CSMD1: variants seen among roughly 807,000 people sequenced by gnomAD.
CSMD1 encodes the protein CUB and Sushi multiple domains 1.
Under a neutral mutation model 417.5 loss-of-function variants are expected in CSMD1, and 213 were observed. The observed-to-expected ratio is 0.51, with a 90% CI of 0.46 to 0.57. The LOEUF (loss-of-function observed/expected upper bound fraction) is 0.57. CSMD1 is among the 20% of genes least tolerant of loss of function. CSMD1 has a pLI of 0.00. For missense variants in CSMD1, 6,923 were observed against 4,529.7 expected, an observed-to-expected ratio of 1.53 and a Z score of -15.17; for synonymous variants, 2,862 against 1,736.8, an observed-to-expected ratio of 1.65 and a Z score of -16.11.
intron 36 of CSMD1, among the ~76,000 whole-genome samples, chr8:3,184,058 C>T (rs542728889): frequency 3.3e-5 from 5 of 152,160 alleles, no homozygotes; most frequent in Non-Finnish European, 5.9e-5. Context: ...AAATTTCACA[C>T]TCCTTGATTT....
At chr8:4,841,553 A>T (rs983469047) in intron 1 of CSMD1, among the ~76,000 whole-genome samples, 1 of 152,220 alleles carries the variant, frequency 6.6e-6, no homozygotes, top group South Asian at 2.1e-4. Context: ...ACAAAGGTCA[A>T]ATACAAACCA....
chr8:4,114,954 A>G (rs1357007342), intron 3 of CSMD1, among the ~76,000 whole-genome samples: 1 of 152,242 alleles, frequency 6.6e-6, no homozygotes, highest in Non-Finnish European at 1.5e-5. Flanking sequence ...TAAAGATGCC[A>G]TAAACATTGT....
intron 5 of CSMD1, among the ~76,000 whole-genome samples, chr8:3,909,559 G>T (rs998892807): frequency 3.9e-5 from 6 of 152,116 alleles, no homozygotes; most frequent in African/African-American, 1.4e-4. Context: ...ACCCTAGGGA[G>T]GTGGGTGCCT....
intron 41 of CSMD1, among the ~76,000 whole-genome samples, chr8:3,126,459 A>G (rs1053486684): frequency 6.6e-6 from 1 of 152,140 alleles, no homozygotes; most frequent in Admixed American, 6.5e-5. Flanking sequence ...AGTTTACATC[A>G]AGGTGTACAC....
At position 4,696,650 on chromosome 8, in the gene CSMD1, G is replaced by C. The variant is rs376522909; in HGVS notation, c.86-59092C>G. 1.2e-4 allele frequency among the ~76,000 whole-genome samples: 18 copies of C among 152,202 alleles called. No individual in the cohort carries two copies. The East Asian group carries it at 3.5e-3, about 29-fold the overall frequency. On this transcript the variant is annotated intron_variant, in intron 1 of 69. Coordinates refer to ENST00000635120, the MANE Select transcript of CSMD1 (RefSeq NM_033225.6). The stretch of plus-strand genomic sequence containing the variant: ...ATTTCATACTTTTTTCATTTATCTG[G>C]TTTCTCTTTTATTGTTGTCTTTATC...
intron 20 of CSMD1, among the ~76,000 whole-genome samples, chr8:3,360,267 T>C (rs1284537247): frequency 6.6e-6 from 1 of 152,222 alleles, no homozygotes; most frequent in African/African-American, 2.4e-5. Context: ...AAATGTCTGA[T>C]ATTTTGCTGC....
chr8:3,070,309 C>A (rs868185156), intron 49 of CSMD1, among the ~76,000 whole-genome samples: 1 of 152,206 alleles, frequency 6.6e-6, no homozygotes, highest in East Asian at 1.9e-4. Context: ...TCTGAAAAAG[C>A]TTTTTTCTTC....
chr8:4,255,163 T>C (rs1279880944), intron 3 of CSMD1, among the ~76,000 whole-genome samples: 6 of 152,200 alleles, frequency 3.9e-5, no homozygotes, highest in African/African-American at 1.4e-4. Context: ...ACATAGAGCT[T>C]TATCCCATGC....
At chr8:4,412,406 C>A (rs1305829772) in intron 3 of CSMD1, among the ~76,000 whole-genome samples, 3 of 152,194 alleles carry the variant, frequency 2.0e-5, no homozygotes, top group African/African-American at 7.2e-5. Context: ...TGCGCTGGCT[C>A]CTCCTTTGCC....
chr8:3,712,896 G>C (rs543364773), intron 6 of CSMD1, among the ~76,000 whole-genome samples: 9 of 152,252 alleles, frequency 5.9e-5, no homozygotes, highest in African/African-American at 2.2e-4. Context: ...ATTTCAGTTT[G>C]ACAGAAGGAA....
At chr8:3,843,079 T>C (rs1024208386) in intron 5 of CSMD1, among the ~76,000 whole-genome samples, 7 of 152,178 alleles carry the variant, frequency 4.6e-5, no homozygotes, top group African/African-American at 1.7e-4. Flanking sequence ...TCTATTTCAG[T>C]ATCGTTTTCT....
At position 4,099,409 on chromosome 8, in the gene CSMD1, C is replaced by G. The variant is rs927820257; in HGVS notation, c.416-67310G>C. ...CCTATCGCTTACCTGAAGCTGCTTT[C>G]TAAAGCCTTGCAATGCCACCACTCA... On this transcript the variant is annotated intron_variant, in intron 3 of 69. Coordinates refer to ENST00000635120, the MANE Select transcript of CSMD1 (RefSeq NM_033225.6). 5.6e-4 allele frequency among the ~76,000 whole-genome samples: 85 copies of G among 152,228 alleles called. No individual in the cohort carries two copies. The Middle Eastern group carries it at 0.01, about 18-fold the overall frequency.
At chr8:3,874,102 T>C (rs1032805416) in intron 5 of CSMD1, among the ~76,000 whole-genome samples, 1 of 152,202 alleles carries the variant, frequency 6.6e-6, no homozygotes, top group Non-Finnish European at 1.5e-5. Flanking sequence ...GGCTGGGTTC[T>C]TTCACTGCCC....
At chr8:3,720,353 C>T (rs1279051321) in intron 6 of CSMD1, among the ~76,000 whole-genome samples, 1 of 152,174 alleles carries the variant, frequency 6.6e-6, no homozygotes, top group African/African-American at 2.4e-5. Context: ...TTGGCAACTC[C>T]TGATACTGCT....
chr8:3,599,757 C>T (rs752678870), intron 8 of CSMD1, among the ~76,000 whole-genome samples: 3 of 152,294 alleles, frequency 2.0e-5, no homozygotes, highest in Non-Finnish European at 2.9e-5. Context: ...CTTCTTTCAC[C>T]AGGTGGTCCT....
At chr8:4,714,391 G>A (rs1373205464) in intron 1 of CSMD1, among the ~76,000 whole-genome samples, 1 of 152,132 alleles carries the variant, frequency 6.6e-6, no homozygotes, top group African/African-American at 2.4e-5. Flanking sequence ...ATTAAAAAAT[G>A]TGCATCAACT....
At chr8:3,837,464 C>A (rs186409074) in intron 5 of CSMD1, among the ~76,000 whole-genome samples, 2 of 152,092 alleles carry the variant, frequency 1.3e-5, no homozygotes, top group Non-Finnish European at 2.9e-5. Flanking sequence ...GAGATGTCCT[C>A]CTGGGACCTA....
At chr8:4,387,570 C>CAAAAGAAAAAAAAAAA (rs1803536289) in intron 3 of CSMD1, among the ~76,000 whole-genome samples, 1 of 37,208 alleles carries the variant, frequency 2.7e-5, no homozygotes. Context: ...TCCAAACTGG[C>CAAAAGAAAAAAAAAAA]AAAAAAAAAA....
chr8:3,291,941 C>T (rs1803604510), intron 25 of CSMD1, among the ~76,000 whole-genome samples: 1 of 151,944 alleles, frequency 6.6e-6, no homozygotes, highest in Non-Finnish European at 1.5e-5. Context: ...TTAGATCTTT[C>T]CTGCTTTCTC....
Sources: allele counts gnomAD v4.1 joint callset (sites outside exome capture counted in the v4.1 genomes callset), GRCh38; gene constraint gnomAD v4.1.1; transcripts MANE v1.5; gene names NCBI Gene and HGNC (gene_info 2026-07-23, HGNC 2026-07-21).